Variants in TET2 observed in about 807,000 individuals in gnomAD.
The protein encoded by TET2 is methylcytosine dioxygenase TET2.
In TET2, 299 loss-of-function variants were observed where a neutral mutation model predicts 142.9. The ratio of observed to expected loss-of-function variants is 2.09; its 90% CI spans 1.90 to 2.30. The LOEUF (loss-of-function observed/expected upper bound fraction) is 2.30, where lower values mean the gene tolerates loss of function less well. Ranked by LOEUF, TET2 falls within the 30% of genes most tolerant of loss-of-function variation. The probability of loss-of-function intolerance (pLI) is 0.00; values close to 1 mark genes in which losing one functional copy is unlikely to be tolerated. For synonymous variants in TET2, 819 were observed against 849.0 expected (o/e 0.96, Z 0.61); for missense variants, 2,418 against 2,378.0 (o/e 1.02, Z -0.35).
At chr4:105,254,049 G>A (rs1730002790) in intron 6 of TET2, among the ~76,000 whole-genome samples, 1 of 152,130 alleles carries the variant, frequency 6.6e-6, no homozygotes, top group Non-Finnish European at 1.5e-5. Context: ...ATTTATGAAT[G>A]CATTCATGGT....
chr4:105,152,256 G>T (rs908449907), intron 1 of TET2, among the ~76,000 whole-genome samples: 10 of 152,084 alleles, frequency 6.6e-5, no homozygotes. Context: ...ACTCCAGCCT[G>T]GGCGAGGCAG....
intron 8 of TET2, among the ~76,000 whole-genome samples, chr4:105,268,240 A>T (rs2110298118): frequency 6.6e-6 from 1 of 152,324 alleles, no homozygotes; most frequent in Admixed American, 6.5e-5. Context: ...TGAAATACAA[A>T]ATTCAAGTGT....
At chr4:105,148,497 C>T (rs1406430918) in intron 1 of TET2, among the ~76,000 whole-genome samples, 3 of 152,134 alleles carry the variant, frequency 2.0e-5, no homozygotes, top group Admixed American at 2.0e-4. Context: ...TATTCATCAA[C>T]AAATGATCCA....
chr4:105,163,806 C>CGA (rs59658275), intron 1 of TET2, among the ~76,000 whole-genome samples: 491 of 79,772 alleles, frequency 6.2e-3, no homozygotes, highest in East Asian at 0.012. Context: ...TCGAAAGTTT[C>CGA]GAGAGAGAGA....
chr4:105,276,840 C>CCG lies in TET2; in HGVS notation c.*322_*323insGC, dbSNP rs1227782515. 79 of 138,752 alleles carry CCG rather than the reference C, an allele frequency of 5.7e-4. 5 individuals are homozygous for CCG. The Admixed American group carries it at 7.0e-3, about 12-fold the overall frequency. 8.6% of individuals were successfully genotyped at this position (138,752 alleles called of 1,614,324 possible). A position where few individuals can be genotyped will look rare whatever the true frequency, so the allele number is the denominator to read the frequency against. On this transcript the variant is annotated 3_prime_UTR_variant, in exon 11 of 11. Coordinates refer to ENST00000380013, the MANE Select transcript of TET2 (RefSeq NM_001127208.3). ...GACGAGATGATATGTAAATGTGATC[C>CCG]CCCCCCCCCGCTTACAACTCTACAC...
chr4:105,236,232 C>G lies in TET2; in HGVS notation c.2290C>G (p.Gln764Glu), dbSNP rs762586325. The G allele has an allele frequency of 1.2e-6, 2 of 1,614,062 alleles. No homozygotes were observed. Among genetic ancestry groups the G allele is most frequent in the African/African-American group, 2.7e-5 (2 of 75,020 alleles). Residue 764 changes from glutamine to glutamate, a missense_variant, in exon 3 of 11, where the codon CAA (glutamine) becomes GAA (glutamate). Physicochemically the swap from Gln to Glu is conservative, Grantham distance 29. Coordinates refer to ENST00000380013, the MANE Select transcript of TET2 (RefSeq NM_001127208.3). ...EEILQTFPHPQSNNDQQREGS... is the reference protein window; with the variant it reads ...EEILQTFPHPESNNDQQREGS... ...AATACTCCAGACTTTTCCTCACCCCCAAAGCAACAATGATCAGCAAAGAGA... is the reference window on the plus strand; with the variant it reads ...AATACTCCAGACTTTTCCTCACCCCGAAAGCAACAATGATCAGCAAAGAGA...
intron 3 of TET2, chr4:105,239,074 GTT>G: frequency 4.3e-5 from 9 of 210,594 alleles, no homozygotes; most frequent in East Asian, 1.5e-4. Context: ...TTTGTTTTTT[GTT>G]TTTTTTTTTT....
In TET2 at chr4:105,242,833, G is replaced by A; in HGVS notation, c.3501-1G>A. On this transcript the variant is annotated splice_acceptor_variant, in intron 4 of 10. Transcript: ENST00000380013. LOFTEE classifies it high-confidence loss of function. ...TGTGTGTTTCTGTGGGTTTCTTTAA[G>A]GTTTGGACAGAAGGGTAAAGCTATT... is the stretch of plus-strand genomic sequence containing the variant. 1 of 1,550,456 alleles carries A rather than the reference G, an allele frequency of 6.4e-7. No homozygotes were observed. The highest frequency in any genetic ancestry group is 8.7e-7 in the Non-Finnish European group (1 of 1,146,620).
chr4:105,275,648 CA>C lies in TET2; in HGVS notation c.5141del (p.Asn1714MetfsTer5). 1 of 1,551,900 alleles carries C rather than the reference CA, an allele frequency of 6.4e-7. No individual in the cohort carries two copies. Among genetic ancestry groups the C allele is most frequent in the Non-Finnish European group, 8.7e-7 (1 of 1,147,028 alleles). On this transcript the variant is annotated frameshift_variant, in exon 11 of 11. Transcript: ENST00000380013. LOFTEE classifies it low-confidence loss of function (END_TRUNC). ...GDGFSSCTIR[P>X]NVHHVGKLPP... The stretch of plus-strand genomic sequence containing the variant: ...GGTTTCAGCAGTTGTACCATTAGAC[CA>C]AATGTACATCATGTAGGGAAATTGC...
intron 6 of TET2, among the ~76,000 whole-genome samples, chr4:105,252,824 C>G (rs1729937717): frequency 6.6e-6 from 1 of 152,128 alleles, no homozygotes; most frequent in Non-Finnish European, 1.5e-5. Context: ...GCTATAAAGA[C>G]TATGTATAGA....
At chr4:105,238,808 A>G (rs1578683235) in intron 3 of TET2, 2 of 239,020 alleles carry the variant, frequency 8.4e-6, no homozygotes, top group East Asian at 1.3e-4. Context: ...AATAACTTCT[A>G]AATGGTGATA....
chr4:105,157,051 G>A (rs1723601748), intron 1 of TET2, among the ~76,000 whole-genome samples: 1 of 152,080 alleles, frequency 6.6e-6, no homozygotes, highest in Non-Finnish European at 1.5e-5. Flanking sequence ...TAATTCAGAT[G>A]ATTATTAGCT....
intron 1 of TET2, among the ~76,000 whole-genome samples, chr4:105,161,053 T>G (rs1723831006): frequency 6.6e-6 from 1 of 152,158 alleles, no homozygotes; most frequent in Non-Finnish European, 1.5e-5. Context: ...GGATTACAGG[T>G]GTTTTTCTTT....
intron 8 of TET2, among the ~76,000 whole-genome samples, chr4:105,267,517 T>A (rs1444066322): frequency 7.0e-6 from 1 of 142,406 alleles, no homozygotes; most frequent in African/African-American, 2.7e-5. Flanking sequence ...GACGTTAGAG[T>A]ACACTGTGTA....
intron 2 of TET2, among the ~76,000 whole-genome samples, chr4:105,232,731 A>G (rs189617830): frequency 3.7e-4 from 56 of 152,356 alleles, no homozygotes; most frequent in African/African-American, 1.3e-3. Flanking sequence ...GAGGACAGAA[A>G]AAACAGCCTG....
At chr4:105,193,101 A>G (rs1560740694) in intron 2 of TET2, among the ~76,000 whole-genome samples, 1 of 152,168 alleles carries the variant, frequency 6.6e-6, no homozygotes, top group South Asian at 2.1e-4. Context: ...GTTGAATAGC[A>G]AGGTCCATCT....
chr4:105,147,856 G>GCGGGAGGGGT (rs1560704840), intron 1 of TET2: 1 of 69,588 alleles, frequency 1.4e-5, no homozygotes, highest in Admixed American at 1.2e-4. Flanking sequence ...GCGGGAGGGG[G>GCGGGAGGGGT]TGGGGAGCGC....
Position 105,259,686 on chromosome 4 carries a change from T to TG in TET2, c.3873dup (p.Ser1292GlufsTer8). The TG allele has an allele frequency of 6.4e-7, 1 of 1,551,256 alleles. No homozygotes were observed. The highest frequency in any genetic ancestry group is 8.7e-7 in the Non-Finnish European group (1 of 1,146,620). Reference sequence around the variant, plus strand: ...TGCCTCCTTCTCTTTTGGTTGTTCATGGAGCATGTACTACAATGGATGTAA... The same window carrying TG: ...TGCCTCCTTCTCTTTTGGTTGTTCATGGGAGCATGTACTACAATGGATGTAA... On this transcript the variant is annotated frameshift_variant, in exon 7 of 11. Coordinates refer to ENST00000380013, the MANE Select transcript of TET2 (RefSeq NM_001127208.3). LOFTEE classifies it high-confidence loss of function.
intron 3 of TET2, chr4:105,237,651 G>A: frequency 7.1e-7 from 1 of 1,416,696 alleles, no homozygotes. Flanking sequence ...CGCCTATTTA[G>A]CTCTTTGTAT....
Sources: gnomAD v4.1 joint callset for allele counts (sites outside exome capture counted in the v4.1 genomes callset) on GRCh38, gnomAD v4.1.1 for gene constraint, MANE v1.5 for transcripts, NCBI Gene and HGNC (gene_info 2026-07-23, HGNC 2026-07-21) for gene names.